P2RX1: variants seen among roughly 807,000 people sequenced by gnomAD.
P2RX1 encodes the protein P2X purinoceptor 1.
In P2RX1, 42 loss-of-function variants were observed where a neutral mutation model predicts 50.3. That is an observed-to-expected ratio of 0.83 (90% confidence interval 0.65 to 1.08). P2RX1 has a LOEUF of 1.08. P2RX1 is among the 50% of genes least tolerant of loss of function. P2RX1 has a pLI of 0.00. For missense variants in P2RX1, 449 were observed against 529.0 expected (o/e 0.85, Z 1.48); for synonymous variants, 199 against 202.6 (o/e 0.98, Z 0.15).
chr17:3,910,306 A>G (rs549830400), intron 1 of P2RX1, among the ~76,000 whole-genome samples: 18 of 151,976 alleles, frequency 1.2e-4, no homozygotes, highest in Non-Finnish European at 2.5e-4. Flanking sequence ...AGCACTAACC[A>G]CTATACAGAC....
chr17:3,915,767 A>G (rs1160901617), intron 1 of P2RX1: 4 of 510,796 alleles, frequency 7.8e-6, no homozygotes, highest in Non-Finnish European at 1.5e-5. Flanking sequence ...TCGAGGACTC[A>G]GTGGCTGTGG....
intron 1 of P2RX1, among the ~76,000 whole-genome samples, chr17:3,913,417 G>C (rs576656331): frequency 6.6e-6 from 1 of 152,192 alleles, no homozygotes; most frequent in African/African-American, 2.4e-5. Flanking sequence ...ATGAGCCACT[G>C]TGCCCAGCCT....
intron 1 of P2RX1, among the ~76,000 whole-genome samples, chr17:3,909,044 T>C (rs190361163): frequency 2.1e-3 from 313 of 152,222 alleles, no homozygotes; most frequent in African/African-American, 7.3e-3. Context: ...AGTTCTTTTT[T>C]TTTTGAGATG....
intron 7 of P2RX1, among the ~76,000 whole-genome samples, chr17:3,902,450 T>G (rs1252234356): frequency 1.3e-5 from 2 of 151,754 alleles, no homozygotes; most frequent in Non-Finnish European, 2.9e-5. Context: ...CATGCCACGA[T>G]GCCTGCCTAA....
At chr17:3,912,202 C>T (rs923095940) in intron 1 of P2RX1, among the ~76,000 whole-genome samples, 1 of 152,226 alleles carries the variant, frequency 6.6e-6, no homozygotes, top group Non-Finnish European at 1.5e-5. Context: ...CCCCTCTAAA[C>T]CTTACTCCTC....
rs746945634 is a variant in P2RX1, at chr17:3,903,557, A to T, written c.599T>A (p.Val200Asp). The T allele has an allele frequency of 4.3e-6, 7 of 1,614,102 alleles. No homozygotes were observed. The highest frequency in any genetic ancestry group is 5.1e-6 in the Non-Finnish European group (6 of 1,179,974). Reference sequence around the variant, plus strand: ...GCCCGAATTTCCCACGCACCTGTTGACCTTGAAGCGTGGAAAGCTGATGCT... The same window carrying T: ...GCCCGAATTTCCCACGCACCTGTTGTCCTTGAAGCGTGGAAAGCTGATGCT... ...KNSISFPRFK[V>D]NRRNLVEEVN... The change falls in exon 6 of 12, where the codon GTC becomes GAC. Residue 200 changes from valine to aspartate, a missense_variant. Val to Asp is a radical substitution (Grantham distance 152). Coordinates refer to ENST00000225538, the MANE Select transcript of P2RX1 (RefSeq NM_002558.4). The surrounding 1 kb of genome is among the most constrained non-coding windows in gnomAD (Gnocchi z 4.6).
At chr17:3,906,338 G>A (rs573109946) in intron 1 of P2RX1, among the ~76,000 whole-genome samples, 7 of 152,220 alleles carry the variant, frequency 4.6e-5, no homozygotes, top group East Asian at 1.9e-4. Context: ...TCACCGTGTT[G>A]GCCAGGATGT....
intron 1 of P2RX1, 164 bp downstream of exon 1, chr17:3,915,925 C>A: frequency 1.1e-6 from 1 of 875,492 alleles, no homozygotes; most frequent in Non-Finnish European, 1.9e-6. Flanking sequence ...ATCTCAACAG[C>A]GAGTTGGCAG....
At chr17:3,915,926 G>T in intron 1 of P2RX1, 163 bp downstream of exon 1, 1 of 877,314 alleles carries the variant, frequency 1.1e-6, no homozygotes, top group Non-Finnish European at 1.8e-6. Flanking sequence ...TCTCAACAGC[G>T]AGTTGGCAGG....
intron 3 of P2RX1, 55 bp from the exon 4 acceptor site, chr17:3,904,454 A>T: frequency 6.7e-7 from 1 of 1,493,878 alleles, no homozygotes; most frequent in Middle Eastern, 1.8e-4. Context: ...TCCTGAGAAG[A>T]GCCCCTCTCC....
At chr17:3,912,826 C>T (rs1030794334) in intron 1 of P2RX1, among the ~76,000 whole-genome samples, 5 of 152,182 alleles carry the variant, frequency 3.3e-5, no homozygotes, top group African/African-American at 7.2e-5. Flanking sequence ...AATTTCTATC[C>T]ATCCTTCTCC....
chr17:3,901,759 C>G (rs990826310), intron 7 of P2RX1, among the ~76,000 whole-genome samples: 2 of 152,204 alleles, frequency 1.3e-5, no homozygotes, highest in Admixed American at 1.3e-4. Flanking sequence ...AGGCTTCCCA[C>G]GCGCCAGGCA....
chr17:3,899,525 G>A, intron 8 of P2RX1, 109 bp downstream of exon 8: 1 of 1,451,792 alleles, frequency 6.9e-7, no homozygotes, highest in Non-Finnish European at 9.6e-7. Flanking sequence ...AGCTGCCCAG[G>A]ACCCTCTGCT....
In P2RX1 at chr17:3,903,757, G is replaced by A. The variant is rs1380305006; in HGVS notation, c.525-126C>T. On this transcript the variant is annotated intron_variant, in intron 5 of 11. Coordinates refer to ENST00000225538, the MANE Select transcript of P2RX1 (RefSeq NM_002558.4). This position sits in a 1 kb window ranked among gnomAD's most constrained non-coding sequence, Gnocchi z 4.6. ...CCGCCTGCAGCCCTGGGCTGGTGGA[G>A]GGGTGGGTGTGCTCTAGCGTGGCCA... The A allele has an allele frequency of 8.7e-7, 1 of 1,147,112 alleles. No homozygotes were observed. The highest frequency in any genetic ancestry group is 1.2e-5 in the South Asian group (1 of 80,182). 71.1% of individuals were successfully genotyped at this position (1,147,112 alleles called of 1,614,324 possible).
chr17:3,908,264 A>G (rs2056303018), intron 1 of P2RX1, among the ~76,000 whole-genome samples: 1 of 152,168 alleles, frequency 6.6e-6, no homozygotes, highest in Admixed American at 6.5e-5. Context: ...CTCTGGTGAT[A>G]ATAGAATGAC....
At position 3,904,310 on chromosome 17, in the gene P2RX1, CAGG is replaced by C; in HGVS notation, c.427+17_427+19del. ...CCGCAGCCGGGGGACTGTGGAGGGA[CAGG>C]AGGAGGCTGACCTTACCTTGGGCCT... On this transcript the variant is annotated intron_variant, in intron 4 of 11. Coordinates refer to ENST00000225538, the MANE Select transcript of P2RX1 (RefSeq NM_002558.4). The C allele has an allele frequency of 6.2e-7, 1 of 1,610,988 alleles. No homozygotes were observed.
chr17:3,898,651 A>G (rs1320186969), intron 9 of P2RX1, 102 bp from the exon 10 acceptor site: 9 of 899,970 alleles, frequency 1.0e-5, no homozygotes, highest in Non-Finnish European at 1.6e-5. Flanking sequence ...TCGGCTGTGA[A>G]CTGTCCCCAC....
chr17:3,899,928 C>T lies in P2RX1; in HGVS notation c.748-167G>A, dbSNP rs1597509627. On this transcript the variant is annotated intron_variant, in intron 7 of 11. Coordinates refer to ENST00000225538, the MANE Select transcript of P2RX1 (RefSeq NM_002558.4). The stretch of plus-strand genomic sequence containing the variant: ...CCAGTCTGGTCAACAGGGTGAAAAC[C>T]CGTCTCTACTAAAAATACAAAAATT... Among the ~76,000 whole-genome samples, 3 of 152,042 alleles carry T rather than the reference C, an allele frequency of 2.0e-5. No individual in the cohort carries two copies. In the Middle Eastern group the frequency reaches 0.01, roughly 517 times the overall value.
chr17:3,899,513 A>T, intron 8 of P2RX1, 121 bp downstream of exon 8: 2 of 1,347,220 alleles, frequency 1.5e-6, no homozygotes, highest in Non-Finnish European at 2.1e-6. Context: ...AGGCAGAATG[A>T]GAGCTGCCCA....
Sources: gnomAD v4.1 joint callset for allele counts (sites outside exome capture counted in the v4.1 genomes callset) on GRCh38, gnomAD v4.1.1 for gene constraint, Gnocchi (gnomAD v3.1) non-coding constraint, MANE v1.5 for transcripts, NCBI Gene and HGNC (gene_info 2026-07-23, HGNC 2026-07-21) for gene names.